DEF6: variants seen among roughly 807,000 people sequenced by gnomAD.
The protein encoded by DEF6 is differentially expressed in FDCP 6 homolog.
In DEF6, 32 loss-of-function variants were observed where a neutral mutation model predicts 80.5. The observed-to-expected ratio is 0.40, with a 90% CI of 0.30 to 0.53. DEF6 has a LOEUF of 0.53. Among genes scored for constraint, DEF6 ranks in the 20% least tolerant of loss-of-function variants. The pLI, the probability that DEF6 is intolerant of heterozygous loss-of-function variation, is 0.57. For missense variants in DEF6, 575 were observed against 818.7 expected, an observed-to-expected ratio of 0.70 and a Z score of 3.63; for synonymous variants, 300 against 337.9, an observed-to-expected ratio of 0.89 and a Z score of 1.23.
In DEF6 at chr6:35,321,302, C is replaced by G. The variant is rs1000323378; in HGVS notation, c.1788C>G (p.Pro596=). Residue 596 remains proline, a synonymous_variant, in exon 11 of 11, where the codon CCC becomes CCG. Coordinates refer to ENST00000316637, the MANE Select transcript of DEF6 (RefSeq NM_022047.4). ...TRWGSQGNRT[P]SPNSNEQQKS... ...GGGGATCCCAGGGCAACAGGACCCC[C>G]TCGCCCAACAGCAATGAGCAGCAGA... The G allele has an allele frequency of 6.2e-7, 1 of 1,614,138 alleles. No homozygotes were observed. The highest frequency in any genetic ancestry group is 1.7e-5 in the Admixed American group (1 of 60,024).
In DEF6 at chr6:35,319,575, C is replaced by G; in HGVS notation, c.1267C>G (p.Arg423Gly). The change falls in exon 8 of 11, where the codon CGG becomes GGG. Residue 423 changes from arginine to glycine, a missense_variant. Physicochemically the swap from Arg to Gly is moderately radical, Grantham distance 125. Coordinates refer to ENST00000316637, the MANE Select transcript of DEF6 (RefSeq NM_022047.4). The surrounding 1 kb of genome is among the most constrained non-coding windows in gnomAD (Gnocchi z 4.5). ...EMELKEEEAA[R>G]QRQRIKELEE... ...GGAGCTGAAGGAGGAGGAGGCTGCC[C>G]GGCAGCGGCAGCGCATCAAGGAGCT... is the stretch of plus-strand genomic sequence containing the variant. The G allele has an allele frequency of 1.2e-6, 2 of 1,613,750 alleles. No individual in the cohort carries two copies. Among genetic ancestry groups the G allele is most frequent in the Non-Finnish European group, 1.7e-6 (2 of 1,179,868 alleles).
chr6:35,306,467 C>T (rs1441408436), intron 1 of DEF6, among the ~76,000 whole-genome samples: 5 of 151,130 alleles, frequency 3.3e-5, no homozygotes, highest in Admixed American at 3.3e-4. Flanking sequence ...GCCGAGATCA[C>T]GCCATTGCAC....
At chr6:35,315,330 A>G (rs1257930520) in intron 5 of DEF6, among the ~76,000 whole-genome samples, 1 of 152,172 alleles carries the variant, frequency 6.6e-6, no homozygotes, top group African/African-American at 2.4e-5. Flanking sequence ...AGCTGGGGCT[A>G]TAGGTGTGTA....
Position 35,320,029 on chromosome 6 carries a change from G to T in DEF6, c.1581+12G>T, listed in dbSNP as rs1411280562. ...ACGAGGATGTGGAGGTGAGGCCTGG[G>T]GTGGGATGGGGTGGAGGCTGGCAGG... On this transcript the variant is annotated intron_variant, in intron 9 of 10. Coordinates refer to ENST00000316637, the MANE Select transcript of DEF6 (RefSeq NM_022047.4). 3.9e-6 allele frequency: 6 copies of T among 1,554,004 alleles called. No homozygotes were observed. The highest frequency in any genetic ancestry group is 2.0e-5 in the Admixed American group (1 of 51,034).
intron 5 of DEF6, among the ~76,000 whole-genome samples, chr6:35,315,505 C>T (rs1334948816): frequency 6.6e-6 from 1 of 152,068 alleles, no homozygotes; most frequent in Admixed American, 6.6e-5. Context: ...GCTATTTTGA[C>T]AGAGATTGCA....
intron 5 of DEF6, 170 bp from the exon 6 acceptor site, chr6:35,317,721 G>A (rs1269840870): frequency 1.7e-6 from 1 of 583,598 alleles, no homozygotes; most frequent in Admixed American, 3.1e-5. Context: ...GAGTTGTGGG[G>A]ACTTAAGTCC....
At position 35,321,287 on chromosome 6, in the gene DEF6, G is replaced by A. The variant is rs148307710; in HGVS notation, c.1773G>A (p.Gln591=). 237 of 1,613,804 alleles carry A rather than the reference G, an allele frequency of 1.5e-4. No homozygotes were observed. The highest frequency in any genetic ancestry group is 2.0e-4 in the Non-Finnish European group (231 of 1,179,992). Residue 591 remains glutamine, a synonymous_variant, in exon 11 of 11, where the codon CAG becomes CAA. Coordinates refer to ENST00000316637, the MANE Select transcript of DEF6 (RefSeq NM_022047.4). ...SLKRLTRWGS[Q]GNRTPSPNSN... The stretch of plus-strand genomic sequence containing the variant: ...AGCGCCTGACCCGCTGGGGATCCCA[G>A]GGCAACAGGACCCCCTCGCCCAACA...
intron 1 of DEF6, among the ~76,000 whole-genome samples, chr6:35,299,246 A>T (rs1433215531): frequency 7.2e-5 from 11 of 152,268 alleles, no homozygotes; most frequent in Non-Finnish European, 1.5e-5. Flanking sequence ...TGTATTGCAG[A>T]TCATGTCATT....
At position 35,318,367 on chromosome 6, in the gene DEF6, C is replaced by G; in HGVS notation, c.1111C>G (p.Gln371Glu). Residue 371 changes from glutamine (Q) to glutamate (E), a missense_variant, in exon 7 of 11, where the codon CAG becomes GAG. Transcript: ENST00000316637. This position sits in a 1 kb window ranked among gnomAD's most constrained non-coding sequence, Gnocchi z 5.1. The stretch of plus-strand genomic sequence containing the variant: ...GGAGCTGGAGCTGCTGCAGGAGGCG[C>G]AGCGGCAGGCCGAGCGGCTGCTGCA... ...LQELELLQEA[Q>E]RQAERLLQEE... is the part of the protein sequence containing the mutation. 1 of 1,540,024 alleles carries G rather than the reference C, an allele frequency of 6.5e-7. No homozygotes were observed. Among genetic ancestry groups the G allele is most frequent in the Non-Finnish European group, 8.7e-7 (1 of 1,145,778 alleles).
At chr6:35,320,767 T>C in intron 9 of DEF6, 117 bp from the exon 10 acceptor site, 1 of 842,008 alleles carries the variant, frequency 1.2e-6, no homozygotes, top group Non-Finnish European at 1.9e-6. Context: ...GGTTTTTCTC[T>C]GGGGAGATGA....
chr6:35,313,167 C>T (rs1331500659), intron 5 of DEF6, among the ~76,000 whole-genome samples: 12 of 150,866 alleles, frequency 8.0e-5, no homozygotes, highest in Non-Finnish European at 1.5e-5. Context: ...CTCTGTCTTC[C>T]CCTTCTGTTT....
rs981587421 is a variant in DEF6, at chr6:35,319,057, C to T, written c.1216-467C>T. 2.6e-5 allele frequency among the ~76,000 whole-genome samples: 4 copies of T among 151,978 alleles called. No homozygotes were observed. Among genetic ancestry groups the T allele is most frequent in the African/African-American group, 9.7e-5 (4 of 41,318 alleles). Reference sequence around the variant, plus strand: ...ATGCTAATGCTAATAGAACTTTGCTCACAGAGGTACGGTGAGGATTAAATG... The same window carrying T: ...ATGCTAATGCTAATAGAACTTTGCTTACAGAGGTACGGTGAGGATTAAATG... On this transcript the variant is annotated intron_variant, in intron 7 of 10. Coordinates refer to ENST00000316637, the MANE Select transcript of DEF6 (RefSeq NM_022047.4). This position sits in a 1 kb window ranked among gnomAD's most constrained non-coding sequence, Gnocchi z 4.5.
At chr6:35,302,845 G>A (rs1791333358) in intron 1 of DEF6, among the ~76,000 whole-genome samples, 1 of 152,162 alleles carries the variant, frequency 6.6e-6, no homozygotes. Context: ...GCACTGTAGA[G>A]ATCAAGAGCA....
intron 1 of DEF6, 119 bp downstream of exon 1, chr6:35,298,071 G>C (rs1791263466): frequency 3.2e-6 from 3 of 927,838 alleles, no homozygotes; most frequent in East Asian, 5.3e-5. Context: ...CAGCGTCCCG[G>C]GCCTGGGGTC....
chr6:35,311,639 G>A (rs557238577), intron 3 of DEF6, among the ~76,000 whole-genome samples: 15 of 152,204 alleles, frequency 9.9e-5, no homozygotes, highest in Non-Finnish European at 1.5e-4. Context: ...CCAGGAGGTT[G>A]TTTGCTTCTG....
rs1221770663 is a variant in DEF6 at position 35,297,865 on chromosome 6, G to T, written c.9G>T (p.Leu3=). The change falls in exon 1 of 11, where the codon CTG becomes CTT. Residue 3 remains leucine, a synonymous_variant. Coordinates refer to ENST00000316637, the MANE Select transcript of DEF6 (RefSeq NM_022047.4). Reference sequence around the variant, plus strand: ...GGGCGGGCGCCTCAGCCATGGCCCTGCGCAAGGAACTGCTCAAGTCCATCT... The same window carrying T: ...GGGCGGGCGCCTCAGCCATGGCCCTTCGCAAGGAACTGCTCAAGTCCATCT... MA[L]RKELLKSIWY... is the part of the protein sequence containing the mutation. 1.2e-6 allele frequency: 2 copies of T among 1,601,170 alleles called. No homozygotes were observed. The highest frequency in any genetic ancestry group is 8.5e-7 in the Non-Finnish European group (1 of 1,174,864).
At chr6:35,306,868 C>T (rs919720586) in intron 1 of DEF6, among the ~76,000 whole-genome samples, 1 of 152,206 alleles carries the variant, frequency 6.6e-6, no homozygotes, top group African/African-American at 2.4e-5. Flanking sequence ...TTGGAGCAGA[C>T]CCTATCATTA....
chr6:35,309,598 G>A, intron 1 of DEF6, 72 bp from the exon 2 acceptor site: 1 of 1,560,318 alleles, frequency 6.4e-7, no homozygotes, highest in South Asian at 1.2e-5. Flanking sequence ...AAGCAGAGAG[G>A]TGGGGAGCAG....
chr6:35,299,324 C>G (rs1489286369), intron 1 of DEF6, among the ~76,000 whole-genome samples: 2 of 152,046 alleles, frequency 1.3e-5, no homozygotes, highest in African/African-American at 4.8e-5. Context: ...AACTCTGTGT[C>G]CCACCCCTAC....
Sources: gnomAD v4.1 joint callset for allele counts (sites outside exome capture counted in the v4.1 genomes callset) on GRCh38, gnomAD v4.1.1 for gene constraint, Gnocchi (gnomAD v3.1) non-coding constraint, MANE v1.5 for transcripts, NCBI Gene and HGNC (gene_info 2026-07-23, HGNC 2026-07-21) for gene names.